Variants in PCDHGC3 observed in about 807,000 individuals in gnomAD.
PCDHGC3 encodes protocadherin gamma subfamily C, 3, also known as protocadherin gamma-C3.
A neutral mutation model predicts 59.2 loss-of-function variants in PCDHGC3; 26 were observed. That is an observed-to-expected ratio of 0.44 (90% CI 0.32 to 0.61). PCDHGC3 has a LOEUF of 0.61. PCDHGC3 is among the 20% of genes least tolerant of loss of function. The pLI is 0.05. For missense variants in PCDHGC3, 1,080 were observed against 1,221.8 expected (o/e 0.88, Z 1.73); for synonymous variants, 487 against 519.7 (o/e 0.94, Z 0.86).
rs748462670 is a variant in PCDHGC3, at chr5:141,478,010, C to T, written c.1894C>T (p.Arg632Cys). ...GLHTGQISTA[R>C]PVQDTDSPRQ... Reference sequence around the variant, plus strand: ...GCACACTGGTCAAATCAGTACTGCCCGTCCAGTCCAAGACACAGATTCACC... The same window carrying T: ...GCACACTGGTCAAATCAGTACTGCCTGTCCAGTCCAAGACACAGATTCACC... The change falls in exon 1 of 4, where the codon CGT becomes TGT. Residue 632 changes from arginine to cysteine, a missense_variant. By Grantham distance (180) the Arg-to-Cys change is radical (BLOSUM62 -3). Coordinates refer to ENST00000308177, the MANE Select transcript of PCDHGC3 (RefSeq NM_002588.4). 9 of 1,614,008 alleles carry T rather than the reference C, an allele frequency of 5.6e-6. No homozygotes were observed. The highest frequency in any genetic ancestry group is 1.7e-5 in the Admixed American group (1 of 59,998).
At chr5:141,492,265 G>C (rs1363279754) in intron 1 of PCDHGC3, among the ~76,000 whole-genome samples, 1 of 152,180 alleles carries the variant, frequency 6.6e-6, no homozygotes, top group Non-Finnish European at 1.5e-5. Flanking sequence ...CAAGTTGCAC[G>C]GGCTCGCCAC....
Position 141,489,806 on chromosome 5 carries a change from A to G in PCDHGC3, c.2431-5001A>G. 1 of 1,614,198 alleles carries G rather than the reference A, an allele frequency of 6.2e-7. No homozygotes were observed. Among genetic ancestry groups the G allele is most frequent in the South Asian group, 1.1e-5 (1 of 91,082 alleles). Reference sequence around the variant, plus strand: ...AATGTGAAGACCCTAAAAGATGGGAAGCCATTCCCAGAGCTGGTGCTAGAG... The same window carrying G: ...AATGTGAAGACCCTAAAAGATGGGAGGCCATTCCCAGAGCTGGTGCTAGAG... On this transcript the variant is annotated intron_variant, in intron 1 of 3. Coordinates refer to ENST00000308177, the MANE Select transcript of PCDHGC3 (RefSeq NM_002588.4). The surrounding 1 kb of genome is among the most constrained non-coding windows in gnomAD (Gnocchi z 4.5).
chr5:141,488,672 G>A (rs1012955473), intron 1 of PCDHGC3, among the ~76,000 whole-genome samples: 20 of 152,208 alleles, frequency 1.3e-4, no homozygotes, highest in African/African-American at 4.8e-4. Context: ...GAATACATGG[G>A]CTTTGCCTCT....
At chr5:141,500,045 T>C (rs2099796072) in intron 2 of PCDHGC3, among the ~76,000 whole-genome samples, 1 of 152,062 alleles carries the variant, frequency 6.6e-6, no homozygotes, top group South Asian at 2.1e-4. Flanking sequence ...CTTAAGTATC[T>C]TAATGCTCTT....
chr5:141,489,793 C>G lies in PCDHGC3; in HGVS notation c.2431-5014C>G. On this transcript the variant is annotated intron_variant, in intron 1 of 3. Transcript: ENST00000308177. This position sits in a 1 kb window ranked among gnomAD's most constrained non-coding sequence, Gnocchi z 4.5. ...CCACTTCTCTCTGAATGTGAAGACC[C>G]TAAAAGATGGGAAGCCATTCCCAGA... 1 of 1,614,160 alleles carries G rather than the reference C, an allele frequency of 6.2e-7. No individual in the cohort carries two copies. The highest frequency in any genetic ancestry group is 1.1e-5 in the South Asian group (1 of 91,078).
At position 141,511,216 on chromosome 5, in the gene PCDHGC3, C is replaced by G. The variant is rs374915167; in HGVS notation, c.*43C>G. Reference sequence around the variant, plus strand: ...GAGCCACAGGGCGGCCTCTCCCCAACCAGCCCAGCTTCTCCTTACCTGCAC... The same window carrying G: ...GAGCCACAGGGCGGCCTCTCCCCAAGCAGCCCAGCTTCTCCTTACCTGCAC... On this transcript the variant is annotated 3_prime_UTR_variant, in exon 4 of 4. Coordinates refer to ENST00000308177, the MANE Select transcript of PCDHGC3 (RefSeq NM_002588.4). 4.2e-5 allele frequency: 68 copies of G among 1,608,004 alleles called. No individual in the cohort carries two copies. The highest frequency in any genetic ancestry group is 6.7e-5 in the East Asian group (3 of 44,538).
chr5:141,487,004 C>G lies in PCDHGC3; in HGVS notation c.2431-7803C>G. 1 of 1,614,224 alleles carries G rather than the reference C, an allele frequency of 6.2e-7. No homozygotes were observed. The highest frequency in any genetic ancestry group is 1.1e-5 in the South Asian group (1 of 91,086). On this transcript the variant is annotated intron_variant, in intron 1 of 3. Transcript: ENST00000308177. This position sits in a 1 kb window ranked among gnomAD's most constrained non-coding sequence, Gnocchi z 5.0. ...CAATGCTTGGGTTTCCTATCAGCTC[C>G]TGGAGGCCCCAGATCCCAGCCTGTT...
At position 141,485,791 on chromosome 5, in the gene PCDHGC3, G is replaced by A; in HGVS notation, c.2430+7245G>A. The A allele has an allele frequency of 6.2e-7, 1 of 1,614,196 alleles. No homozygotes were observed. The highest frequency in any genetic ancestry group is 8.5e-7 in the Non-Finnish European group (1 of 1,180,032). ...AGCCTTTGGATCGAGAGAAGCAATC[G>A]GACTACCGCCTGGTGCTGACTGCTG... On this transcript the variant is annotated intron_variant, in intron 1 of 3. Transcript: ENST00000308177. The surrounding 1 kb of genome is among the most constrained non-coding windows in gnomAD (Gnocchi z 5.7).
chr5:141,480,660 C>T (rs535356928), intron 1 of PCDHGC3, among the ~76,000 whole-genome samples: 2 of 152,170 alleles, frequency 1.3e-5, no homozygotes, highest in Non-Finnish European at 2.9e-5. Flanking sequence ...ACATTAAAAT[C>T]ACCTAGAGAC....
chr5:141,507,012 G>A (rs2099857902), intron 3 of PCDHGC3: 1 of 152,208 alleles, frequency 6.6e-6, no homozygotes, highest in Admixed American at 6.5e-5. Flanking sequence ...AGAGAACCGA[G>A]AAGGCACTTG....
At position 141,476,499 on chromosome 5, in the gene PCDHGC3, T is replaced by A. The variant is rs763373223; in HGVS notation, c.383T>A (p.Ile128Asn). Residue 128 changes from isoleucine (I) to asparagine (N), a missense_variant, in exon 1 of 4, where the codon ATC (isoleucine) becomes AAC (asparagine). Coordinates refer to ENST00000308177, the MANE Select transcript of PCDHGC3 (RefSeq NM_002588.4). This position sits in a 1 kb window ranked among gnomAD's most constrained non-coding sequence, Gnocchi z 7.6. ...LFSVEVVIQD[I>N]NDNNPAFPTQ... Reference sequence around the variant, plus strand: ...AGCGTGGAAGTGGTGATCCAGGACATCAACGACAACAATCCTGCTTTCCCT... The same window carrying A: ...AGCGTGGAAGTGGTGATCCAGGACAACAACGACAACAATCCTGCTTTCCCT... 3.1e-6 allele frequency: 5 copies of A among 1,613,992 alleles called. No individual in the cohort carries two copies. The South Asian group carries it at 5.5e-5, about 18-fold the overall frequency.
rs775654786 is a variant in PCDHGC3 at position 141,491,718 on chromosome 5, G to A, written c.2431-3089G>A. Reference sequence around the variant, plus strand: ...GGAGCCAGGTGAGGGGCTCGGCGCCGCCCCGGGCGACCCCTGGGGGCGGCA... The same window carrying A: ...GGAGCCAGGTGAGGGGCTCGGCGCCACCCCGGGCGACCCCTGGGGGCGGCA... On this transcript the variant is annotated intron_variant, in intron 1 of 3. Coordinates refer to ENST00000308177, the MANE Select transcript of PCDHGC3 (RefSeq NM_002588.4). This position sits in a 1 kb window ranked among gnomAD's most constrained non-coding sequence, Gnocchi z 6.9. 1 of 1,607,600 alleles carries A rather than the reference G, an allele frequency of 6.2e-7. No homozygotes were observed. The highest frequency in any genetic ancestry group is 2.2e-5 in the East Asian group (1 of 44,690).
Position 141,491,279 on chromosome 5 carries a change from T to G in PCDHGC3, c.2431-3528T>G. 1 of 1,614,110 alleles carries G rather than the reference T, an allele frequency of 6.2e-7. No individual in the cohort carries two copies. The highest frequency in any genetic ancestry group is 2.2e-5 in the East Asian group (1 of 44,878). ...GAGGAAATGCCCAAATCCAGTGACT[T>G]CCTCATACACCCTCCTGAGCGTTCA... On this transcript the variant is annotated intron_variant, in intron 1 of 3. Transcript: ENST00000308177. The surrounding 1 kb of genome is among the most constrained non-coding windows in gnomAD (Gnocchi z 6.9).
intron 2 of PCDHGC3, among the ~76,000 whole-genome samples, chr5:141,503,595 G>T (rs6892628): frequency 0.52 from 72,995 of 139,870 alleles, 19,322 homozygotes; most frequent in African/African-American, 0.64. Flanking sequence ...CGAGACTCCA[G>T]CTCAAAAAAA....
intron 2 of PCDHGC3, among the ~76,000 whole-genome samples, chr5:141,497,767 C>T (rs1419825322): frequency 1.3e-5 from 2 of 152,066 alleles, no homozygotes; most frequent in East Asian, 3.9e-4. Flanking sequence ...TCAAACTCCC[C>T]GACCTCAACT....
In PCDHGC3 at chr5:141,477,157, CA is replaced by C. The variant is rs1240879989; in HGVS notation, c.1043del (p.Asn348ThrfsTer29). 2.5e-6 allele frequency: 4 copies of C among 1,614,064 alleles called. No homozygotes were observed. Among genetic ancestry groups the C allele is most frequent in the Non-Finnish European group, 3.4e-6 (4 of 1,180,046 alleles). ...TGGTGGAGGTTGTGGATGTGAATGACAACGCCCCGGAGATCACAGTCACCTC... is the reference window on the plus strand; with the variant it reads ...TGGTGGAGGTTGTGGATGTGAATGACACGCCCCGGAGATCACAGTCACCTC... ...VLVEVVDVNDNAPEITVTSVY... is the reference protein window; with the variant it reads ...VLVEVVDVNDXAPEITVTSVY... On this transcript the variant is annotated frameshift_variant, in exon 1 of 4. Coordinates refer to ENST00000308177, the MANE Select transcript of PCDHGC3 (RefSeq NM_002588.4). LOFTEE classifies it high-confidence loss of function. This position sits in a 1 kb window ranked among gnomAD's most constrained non-coding sequence, Gnocchi z 4.9.
Position 141,477,486 on chromosome 5 carries a change from C to A in PCDHGC3, c.1370C>A (p.Ser457Tyr). Residue 457 changes from serine to tyrosine, a missense_variant, in exon 1 of 4, where the codon TCT (serine) becomes TAT (tyrosine). By Grantham distance (144) the Ser-to-Tyr change is moderately radical. Coordinates refer to ENST00000308177, the MANE Select transcript of PCDHGC3 (RefSeq NM_002588.4). This position sits in a 1 kb window ranked among gnomAD's most constrained non-coding sequence, Gnocchi z 4.9. ...VSDINDNPPQ[S>Y]SQSSYDVYIE... ...GACATCAATGACAACCCTCCACAAT[C>A]TTCTCAATCTTCCTACGACGTTTAC... is the stretch of plus-strand genomic sequence containing the variant. The A allele has an allele frequency of 6.2e-7, 1 of 1,614,170 alleles. No homozygotes were observed. The highest frequency in any genetic ancestry group is 8.5e-7 in the Non-Finnish European group (1 of 1,180,040).
intron 1 of PCDHGC3, among the ~76,000 whole-genome samples, chr5:141,484,730 G>T (rs1231473842): frequency 6.6e-6 from 1 of 151,728 alleles, no homozygotes; most frequent in Non-Finnish European, 1.5e-5. Context: ...GGGGTCAGTC[G>T]GTGTGTTAGG....
rs913767837 is a variant in PCDHGC3, at chr5:141,491,909, C to T, written c.2431-2898C>T. 8.5e-6 allele frequency: 12 copies of T among 1,403,834 alleles called. No individual in the cohort carries two copies. Among genetic ancestry groups the T allele is most frequent in the Non-Finnish European group, 1.1e-5 (12 of 1,057,326 alleles). 87.0% of individuals were successfully genotyped at this position (1,403,834 alleles called of 1,614,324 possible). A position where few individuals can be genotyped will look rare whatever the true frequency, so the allele number is the denominator to read the frequency against. Reference sequence around the variant, plus strand: ...GGGCTCCGAGCACCGGGGGTGGTGGCGACTGTGGGCGAGGGGAGGTGGGAC... The same window carrying T: ...GGGCTCCGAGCACCGGGGGTGGTGGTGACTGTGGGCGAGGGGAGGTGGGAC... On this transcript the variant is annotated intron_variant, in intron 1 of 3. Transcript: ENST00000308177. The surrounding 1 kb of genome is among the most constrained non-coding windows in gnomAD (Gnocchi z 6.9).
Sources: allele counts gnomAD v4.1 joint callset (sites outside exome capture counted in the v4.1 genomes callset), GRCh38; gene constraint gnomAD v4.1.1; non-coding constraint Gnocchi (gnomAD v3.1); transcripts MANE v1.5; gene names NCBI Gene and HGNC (gene_info 2026-07-23, HGNC 2026-07-21).